The following TMEM117 variants were observed in gnomAD, a reference collection of about 807,000 sequenced individuals.
TMEM117 encodes the protein transmembrane protein 117.
TMEM117 carries 27 observed loss-of-function variants against 52.4 expected under a neutral mutation model. The ratio of observed to expected loss-of-function variants is 0.51; its 90% CI spans 0.38 to 0.71. The LOEUF is 0.71. TMEM117 is among the 30% of genes least tolerant of loss of function. The pLI is 0.00. For missense variants in TMEM117, 556 were observed against 630.5 expected (o/e 0.88, Z 1.26); for synonymous variants, 215 against 206.3 (o/e 1.04, Z -0.36).
intron 3 of TMEM117, among the ~76,000 whole-genome samples, chr12:44,001,683 G>C (rs1171379055): frequency 6.6e-6 from 1 of 151,978 alleles, no homozygotes; most frequent in Admixed American, 6.6e-5. Context: ...GTATATGTGA[G>C]CTGGAACAGA....
intron 6 of TMEM117, among the ~76,000 whole-genome samples, chr12:44,318,089 C>A (rs1053428638): frequency 1.3e-5 from 2 of 152,184 alleles, no homozygotes; most frequent in Non-Finnish European, 2.9e-5. Context: ...ACCTGGAGAT[C>A]TTCCTGGGCA....
intron 6 of TMEM117, among the ~76,000 whole-genome samples, chr12:44,356,424 C>G (rs1951649407): frequency 6.6e-6 from 1 of 152,082 alleles, no homozygotes; most frequent in South Asian, 2.1e-4. Flanking sequence ...TAAGAGAGGT[C>G]AGAGTAATAC....
intron 3 of TMEM117, among the ~76,000 whole-genome samples, chr12:44,115,043 A>G (rs995371945): frequency 2.0e-5 from 3 of 152,242 alleles, no homozygotes; most frequent in East Asian, 1.9e-4. Flanking sequence ...TAAGAGCTGT[A>G]TACATGAACT....
chr12:44,182,194 A>C (rs574492493), intron 4 of TMEM117, among the ~76,000 whole-genome samples: 6 of 152,182 alleles, frequency 3.9e-5, no homozygotes, highest in African/African-American at 1.4e-4. Context: ...TGATTTTTGT[A>C]CCTTGATTTT....
chr12:44,007,237 T>G (rs1427393498), intron 3 of TMEM117, among the ~76,000 whole-genome samples: 4 of 152,180 alleles, frequency 2.6e-5, no homozygotes, highest in Non-Finnish European at 5.9e-5. Flanking sequence ...ATTGTCAGAT[T>G]AAGAATAAGA....
intron 3 of TMEM117, among the ~76,000 whole-genome samples, chr12:44,058,034 T>A (rs1947084241): frequency 6.6e-6 from 1 of 152,228 alleles, no homozygotes; most frequent in Non-Finnish European, 1.5e-5. Context: ...GAAGCATTTT[T>A]AAATTCCAGC....
At chr12:43,799,646 T>C in the TMEM117 span, 4 of 511,270 alleles carry the variant, frequency 7.8e-6, no homozygotes, top group Non-Finnish European at 1.3e-5. Flanking sequence ...TTTTTACTTT[T>C]CTTTAATCCT....
chr12:44,172,268 T>G (rs902040303), intron 4 of TMEM117, among the ~76,000 whole-genome samples: 13 of 152,208 alleles, frequency 8.5e-5, no homozygotes, highest in African/African-American at 3.1e-4. Flanking sequence ...TCTCTCCCAG[T>G]TCTGAGGCTA....
the TMEM117 span, among the ~76,000 whole-genome samples, chr12:43,816,796 A>C: frequency 1.9e-3 from 285 of 152,372 alleles, 3 homozygotes; most frequent in African/African-American, 6.5e-3. Flanking sequence ...GAAGTTATTG[A>C]AAATAAACTA....
intron 6 of TMEM117, among the ~76,000 whole-genome samples, chr12:44,343,675 A>G (rs1344706809): frequency 6.6e-6 from 1 of 152,160 alleles, no homozygotes; most frequent in African/African-American, 2.4e-5. Flanking sequence ...TGTCCTCAAC[A>G]CTATTAAATT....
the TMEM117 span, among the ~76,000 whole-genome samples, chr12:43,820,247 G>A: frequency 1.3e-5 from 2 of 152,034 alleles, no homozygotes; most frequent in African/African-American, 4.8e-5. Flanking sequence ...ACAGGCGTGC[G>A]CCACCACGCC....
At chr12:44,265,115 A>G (rs529728860) in intron 5 of TMEM117, among the ~76,000 whole-genome samples, 11 of 152,292 alleles carry the variant, frequency 7.2e-5, no homozygotes, top group Admixed American at 5.2e-4. Context: ...TTAGGTGGCT[A>G]CTTTTGCCTG....
chr12:44,105,955 A>T (rs1366234746), intron 3 of TMEM117, among the ~76,000 whole-genome samples: 1 of 152,020 alleles, frequency 6.6e-6, no homozygotes, highest in Non-Finnish European at 1.5e-5. Flanking sequence ...AAATTTCGGT[A>T]CCTTTCTATG....
intron 2 of TMEM117, among the ~76,000 whole-genome samples, chr12:43,903,783 C>A (rs1272374944): frequency 1.3e-5 from 2 of 152,150 alleles, no homozygotes; most frequent in East Asian, 1.9e-4. Flanking sequence ...CATTTATATG[C>A]CTACCCATGG....
intron 2 of TMEM117, among the ~76,000 whole-genome samples, chr12:43,925,035 C>T (rs1944756058): frequency 1.3e-5 from 2 of 152,096 alleles, no homozygotes; most frequent in Non-Finnish European, 2.9e-5. Context: ...CCCTCAGTTC[C>T]TCAAGTGGAA....
At position 44,003,132 on chromosome 12, in the gene TMEM117, CCCT is replaced by C. The variant is rs200810187; in HGVS notation, c.410+58798_410+58800del. ...CACTCACTAGGCCCTGCCTCTGGCC[CCCT>C]CCTCCTCTACTGCCCTGGGAAAATG... On this transcript the variant is annotated intron_variant, in intron 3 of 7. Coordinates refer to ENST00000266534, the MANE Select transcript of TMEM117 (RefSeq NM_032256.3). Among the ~76,000 whole-genome samples, 1,516 of 152,292 alleles carry C rather than the reference CCCT, an allele frequency of 1.0e-2. 19 individuals carry two copies. Among genetic ancestry groups the C allele is most frequent in the African/African-American group, 0.034 (1,412 of 41,544 alleles).
At chr12:43,917,638 G>A (rs542969676) in intron 2 of TMEM117, among the ~76,000 whole-genome samples, 1 of 152,180 alleles carries the variant, frequency 6.6e-6, no homozygotes, top group East Asian at 1.9e-4. Context: ...TTAGCTTTTA[G>A]TAACATTTAT....
At chr12:44,026,870 T>G (rs902627773) in intron 3 of TMEM117, among the ~76,000 whole-genome samples, 2 of 151,818 alleles carry the variant, frequency 1.3e-5, no homozygotes, top group African/African-American at 4.8e-5. Context: ...AAGAACATTC[T>G]TGTTTGTAAA....
intron 4 of TMEM117, among the ~76,000 whole-genome samples, chr12:44,150,488 C>T (rs575911679): frequency 8.6e-5 from 13 of 152,010 alleles, no homozygotes; most frequent in South Asian, 4.1e-4. Flanking sequence ...AACCCAAGGA[C>T]GGCAGATTTA....
Sources: allele counts gnomAD v4.1 joint callset (sites outside exome capture counted in the v4.1 genomes callset), GRCh38; gene constraint gnomAD v4.1.1; transcripts MANE v1.5; gene names NCBI Gene and HGNC (gene_info 2026-07-23, HGNC 2026-07-21).